Variants in WASHC5 observed in about 807,000 individuals in gnomAD.
WASHC5 encodes WASH complex subunit 5, also known as WASH complex subunit strumpellin.
A neutral mutation model predicts 150.4 loss-of-function variants in WASHC5; 101 were observed. The ratio of observed to expected loss-of-function variants is 0.67; its 90% CI spans 0.57 to 0.79. The LOEUF is 0.79. Ranked by LOEUF, WASHC5 falls within the 30% of genes least tolerant of loss-of-function variation. The pLI is 0.00. For synonymous variants in WASHC5, 467 were observed against 491.2 expected (o/e 0.95, Z 0.65); for missense variants, 1,195 against 1,396.3 (o/e 0.86, Z 2.30).
chr8:125,053,096 T>C (rs1477954764), intron 17 of WASHC5, among the ~76,000 whole-genome samples: 1 of 147,778 alleles, frequency 6.8e-6, no homozygotes, highest in Admixed American at 6.6e-5. Flanking sequence ...TGAGACGACC[T>C]GTATTTCTTT....
Position 125,091,735 on chromosome 8 carries a change from G to A in WASHC5, c.-245C>T, listed in dbSNP as rs185375174. The A allele has an allele frequency of 6.6e-6, 1 of 152,370 alleles. No individual in the cohort carries two copies. The highest frequency in any genetic ancestry group is 1.9e-4 in the East Asian group (1 of 5,196). 9.4% of individuals were successfully genotyped at this position (152,370 alleles called of 1,614,324 possible). A position where few individuals can be genotyped will look rare whatever the true frequency, so the allele number is the denominator to read the frequency against. ...TCTTCTATCCGCAGTCCCGGACCTG[G>A]AGCGGGTCAGACCCCGACTTCCGCC... On this transcript the variant is annotated 5_prime_UTR_variant, in exon 1 of 29. Coordinates refer to ENST00000318410, the MANE Select transcript of WASHC5 (RefSeq NM_014846.4).
chr8:125,033,067 C>G (rs780298374), intron 26 of WASHC5, among the ~76,000 whole-genome samples: 1 of 151,142 alleles, frequency 6.6e-6, no homozygotes, highest in Non-Finnish European at 1.5e-5. Context: ...CTGCACCTGG[C>G]TCTACACTAA....
At chr8:125,062,163 G>C (rs576430070) in intron 11 of WASHC5, among the ~76,000 whole-genome samples, 28 of 152,260 alleles carry the variant, frequency 1.8e-4, no homozygotes, top group African/African-American at 6.7e-4. Flanking sequence ...GTAGTAGAAA[G>C]AGCATGAAAT....
intron 28 of WASHC5, among the ~76,000 whole-genome samples, chr8:125,027,799 CAAAT>C (rs765376620): frequency 2.0e-5 from 3 of 152,198 alleles, no homozygotes; most frequent in South Asian, 4.1e-4. Flanking sequence ...CAATTAATCT[CAAAT>C]AATACAGAGT....
At chr8:125,074,926 C>A in intron 8 of WASHC5, 72 bp downstream of exon 8, 1 of 892,550 alleles carries the variant, frequency 1.1e-6, no homozygotes, top group Non-Finnish European at 1.9e-6. Flanking sequence ...CTTGGGAAAT[C>A]TACTTAGCTT....
At chr8:125,041,841 G>A (rs1313162203) in intron 23 of WASHC5, among the ~76,000 whole-genome samples, 2 of 152,160 alleles carry the variant, frequency 1.3e-5, no homozygotes, top group African/African-American at 2.4e-5. Context: ...TGAATTTATA[G>A]AGTAGCATTA....
intron 19 of WASHC5, among the ~76,000 whole-genome samples, 163 bp from the exon 20 acceptor site, chr8:125,047,494 GT>G (rs1264443716): frequency 6.6e-6 from 1 of 151,680 alleles, no homozygotes; most frequent in Non-Finnish European, 1.5e-5. Context: ...CTGGAGTGCA[GT>G]GGCATGATCT....
chr8:125,054,692 G>A (rs1383303457), intron 17 of WASHC5, among the ~76,000 whole-genome samples: 1 of 152,028 alleles, frequency 6.6e-6, no homozygotes, highest in East Asian at 1.9e-4. Context: ...GGTGGTGGGC[G>A]CCTGTAGTCC....
At chr8:125,082,601 C>A in intron 3 of WASHC5, 134 bp from the exon 4 acceptor site, 1 of 660,592 alleles carries the variant, frequency 1.5e-6, no homozygotes, top group Non-Finnish European at 2.7e-6. Flanking sequence ...GTCCTTCATG[C>A]TCTTAAGAAT....
At chr8:125,078,693 G>A (rs769673427) in intron 6 of WASHC5, 45 bp downstream of exon 6, 4 of 1,427,354 alleles carry the variant, frequency 2.8e-6, no homozygotes, top group African/African-American at 3.0e-5. Flanking sequence ...AGTGAAATCA[G>A]TCTGTTAAAC....
intron 9 of WASHC5, among the ~76,000 whole-genome samples, chr8:125,069,742 G>A (rs1439881563): frequency 6.6e-6 from 1 of 152,110 alleles, no homozygotes; most frequent in African/African-American, 2.4e-5. Flanking sequence ...AGAACTATGT[G>A]GGAAGAAATA....
intron 17 of WASHC5, among the ~76,000 whole-genome samples, chr8:125,055,181 T>C (rs1204759428): frequency 6.6e-6 from 1 of 152,172 alleles, no homozygotes; most frequent in Non-Finnish European, 1.5e-5. Flanking sequence ...CCCAGCACTT[T>C]GAAAGGCCAC....
intron 28 of WASHC5, among the ~76,000 whole-genome samples, chr8:125,025,341 T>C (rs925423393): frequency 3.3e-5 from 5 of 151,878 alleles, no homozygotes; most frequent in African/African-American, 1.2e-4. Context: ...ATTTTTACAG[T>C]GGGTGGAGGG....
At chr8:125,061,269 T>A (rs1816586705) in intron 11 of WASHC5, 75 bp from the exon 12 acceptor site, 2 of 840,930 alleles carry the variant, frequency 2.4e-6, no homozygotes, top group Admixed American at 4.1e-5. Context: ...AACTAAATAA[T>A]CTTTTATAAA....
chr8:125,038,965 G>A lies in WASHC5; in HGVS notation c.2955-6C>T, dbSNP rs1424773576. The A allele has an allele frequency of 1.9e-6, 3 of 1,613,306 alleles. No individual in the cohort carries two copies. Among genetic ancestry groups the A allele is most frequent in the Middle Eastern group, 1.7e-4 (1 of 6,018 alleles). On this transcript the variant is annotated splice_region_variant and splice_polypyrimidine_tract_variant and intron_variant, in intron 24 of 28. Transcript: ENST00000318410. ...CAATGTCTGCTAGGAGAGCCCTAAAGGAAGAAAAACCCTGGAGATAAACAT... is the reference window on the plus strand; with the variant it reads ...CAATGTCTGCTAGGAGAGCCCTAAAAGAAGAAAAACCCTGGAGATAAACAT...
intron 27 of WASHC5, among the ~76,000 whole-genome samples, chr8:125,030,861 G>C (rs534493481): frequency 3.7e-4 from 57 of 152,248 alleles, no homozygotes; most frequent in African/African-American, 1.3e-3. Context: ...CCTCTAAACT[G>C]CAAGACATCG....
intron 14 of WASHC5, 27 bp downstream of exon 14, chr8:125,059,195 C>T: frequency 1.3e-6 from 2 of 1,552,532 alleles, no homozygotes; most frequent in Non-Finnish European, 1.8e-6. Flanking sequence ...TTCCTAGCAA[C>T]AGAGAATCTC....
chr8:125,067,529 TAAA>T lies in WASHC5; in HGVS notation c.1278+60_1278+62del, dbSNP rs922788175. Reference sequence around the variant, plus strand: ...GAGCAAGCAATCCTAGTCTTTTTTTTAAAAAATATTTTTAAGCATAAAAAAGCT... The same window carrying T: ...GAGCAAGCAATCCTAGTCTTTTTTTTAAATATTTTTAAGCATAAAAAAGCT... On this transcript the variant is annotated intron_variant, in intron 10 of 28. Coordinates refer to ENST00000318410, the MANE Select transcript of WASHC5 (RefSeq NM_014846.4). The T allele has an allele frequency of 1.1e-4, 152 of 1,401,522 alleles. No homozygotes were observed. The African/African-American group carries it at 1.9e-3, about 18-fold the overall frequency. 86.8% of individuals were successfully genotyped at this position (1,401,522 alleles called of 1,614,324 possible). A position where few individuals can be genotyped will look rare whatever the true frequency, so the allele number is the denominator to read the frequency against.
In WASHC5 at chr8:125,083,907, G is replaced by C. The variant is rs187822596; in HGVS notation, c.-9C>G. The C allele has an allele frequency of 6.2e-7, 1 of 1,612,526 alleles. No individual in the cohort carries two copies. The highest frequency in any genetic ancestry group is 8.5e-7 in the Non-Finnish European group (1 of 1,179,264). On this transcript the variant is annotated 5_prime_UTR_variant, in exon 2 of 29. Coordinates refer to ENST00000318410, the MANE Select transcript of WASHC5 (RefSeq NM_014846.4). ...GCTAGAAAGTCCAACATTGTGAGGC[G>C]GACCGACTACTCTGTGCCTGGACAC...
Sources: gnomAD v4.1 joint callset for allele counts (sites outside exome capture counted in the v4.1 genomes callset) on GRCh38, gnomAD v4.1.1 for gene constraint, MANE v1.5 for transcripts, NCBI Gene and HGNC (gene_info 2026-07-23, HGNC 2026-07-21) for gene names.